PPM1H: variants seen among roughly 807,000 people sequenced by gnomAD.
PPM1H encodes protein phosphatase, Mg2+/Mn2+ dependent 1H.
In PPM1H, 27 loss-of-function variants were observed where a neutral mutation model predicts 54.9. The observed-to-expected ratio is 0.49, with a 90% CI of 0.36 to 0.68. The LOEUF (loss-of-function observed/expected upper bound fraction) is 0.68, where lower values mean the gene tolerates loss of function less well. Ranked by LOEUF, PPM1H falls within the 30% of genes least tolerant of loss-of-function variation. PPM1H has a pLI of 0.00. For missense variants in PPM1H, 596 were observed against 667.8 expected (o/e 0.89, Z 1.19); for synonymous variants, 305 against 270.8 (o/e 1.13, Z -1.24).
At chr12:62,689,888 C>T (rs2076073936) in intron 7 of PPM1H, 82 bp from the exon 8 acceptor site, 2 of 938,692 alleles carry the variant, frequency 2.1e-6, no homozygotes, top group African/African-American at 3.3e-5. Context: ...GGGCTAGGAA[C>T]AACCAAACAA....
intron 6 of PPM1H, among the ~76,000 whole-genome samples, chr12:62,697,195 C>A (rs1020977707): frequency 5.9e-5 from 9 of 151,378 alleles, no homozygotes; most frequent in African/African-American, 2.2e-4. Flanking sequence ...GGTGCGATCT[C>A]GGCTCACTGC....
At position 62,648,247 on chromosome 12, in the gene PPM1H, GAAAT is replaced by G. The variant is rs1383413385; in HGVS notation, c.*238_*241del. Reference sequence around the variant, plus strand: ...ACCTCGGAGGCCTATGAAAGGAACTGAAATACAACAACACTTGGTAGCAGCCTTT... The same window carrying G: ...ACCTCGGAGGCCTATGAAAGGAACTGACAACAACACTTGGTAGCAGCCTTT... On this transcript the variant is annotated 3_prime_UTR_variant, in exon 10 of 10. Transcript: ENST00000228705. 1 of 469,770 alleles carries G rather than the reference GAAAT, an allele frequency of 2.1e-6. No individual in the cohort carries two copies. The allele number at this position is 469,770 out of a possible 1,614,324, so 29.1% of individuals were successfully genotyped here.
intron 1 of PPM1H, among the ~76,000 whole-genome samples, chr12:62,928,220 G>C (rs939227661): frequency 3.3e-5 from 5 of 152,182 alleles, no homozygotes; most frequent in African/African-American, 9.7e-5. Context: ...TGGTATATGG[G>C]AGATGGGCCA....
At chr12:62,913,336 G>T (rs942237699) in intron 1 of PPM1H, among the ~76,000 whole-genome samples, 1 of 152,196 alleles carries the variant, frequency 6.6e-6, no homozygotes, top group African/African-American at 2.4e-5. Context: ...CGGTGAGGAT[G>T]TGGAAGATGC....
chr12:62,915,207 G>A (rs1184868536), intron 1 of PPM1H, among the ~76,000 whole-genome samples: 2 of 152,168 alleles, frequency 1.3e-5, no homozygotes, highest in Non-Finnish European at 2.9e-5. Flanking sequence ...CTCTTACTTG[G>A]ATGATTTTTA....
intron 4 of PPM1H, among the ~76,000 whole-genome samples, chr12:62,784,155 G>T (rs2120689548): frequency 6.6e-6 from 1 of 152,292 alleles, no homozygotes; most frequent in East Asian, 1.9e-4. Context: ...AGCAGTTACT[G>T]CATGTGCCTC....
At chr12:62,745,591 G>C (rs1364343314) in intron 4 of PPM1H, among the ~76,000 whole-genome samples, 1 of 152,184 alleles carries the variant, frequency 6.6e-6, no homozygotes, top group African/African-American at 2.4e-5. Context: ...CCACATCTCA[G>C]AGGCCATTAT....
intron 4 of PPM1H, among the ~76,000 whole-genome samples, chr12:62,740,815 C>T (rs370851448): frequency 6.6e-6 from 1 of 152,172 alleles, no homozygotes; most frequent in African/African-American, 2.4e-5. Context: ...AGCATTACAC[C>T]AAATGTGAAG....
At chr12:62,737,088 G>A (rs899116002) in intron 5 of PPM1H, among the ~76,000 whole-genome samples, 1 of 152,078 alleles carries the variant, frequency 6.6e-6, no homozygotes, top group African/African-American at 2.4e-5. Context: ...GAGCTGCCAC[G>A]TGGGCAGATT....
intron 4 of PPM1H, among the ~76,000 whole-genome samples, chr12:62,745,192 T>A (rs1311859742): frequency 1.3e-5 from 2 of 152,034 alleles, no homozygotes; most frequent in Non-Finnish European, 2.9e-5. Context: ...TAATTTTTCT[T>A]TTTAAAAAAT....
chr12:62,733,857 C>T (rs1302812128), intron 5 of PPM1H, among the ~76,000 whole-genome samples: 2 of 152,076 alleles, frequency 1.3e-5, no homozygotes, highest in Admixed American at 6.6e-5. Context: ...AAGGGCGACA[C>T]CAAATTATGC....
chr12:62,729,390 G>C (rs1012965532), intron 5 of PPM1H, among the ~76,000 whole-genome samples: 2 of 152,210 alleles, frequency 1.3e-5, no homozygotes, highest in African/African-American at 4.8e-5. Flanking sequence ...CAGGAGTGCA[G>C]ACATTGGCAC....
chr12:62,927,213 T>C (rs753596941), intron 1 of PPM1H, among the ~76,000 whole-genome samples: 19 of 152,196 alleles, frequency 1.2e-4, no homozygotes, highest in Non-Finnish European at 2.4e-4. Context: ...AAGCTTTCCA[T>C]GTCTAGAAAT....
intron 1 of PPM1H, among the ~76,000 whole-genome samples, chr12:62,857,363 G>T (rs1208365066): frequency 1.3e-5 from 2 of 152,164 alleles, no homozygotes; most frequent in Non-Finnish European, 2.9e-5. Context: ...TTGTCCTCCT[G>T]GTTTGGTTAG....
At chr12:62,817,058 T>G (rs938879779) in intron 2 of PPM1H, among the ~76,000 whole-genome samples, 12 of 131,422 alleles carry the variant, frequency 9.1e-5, no homozygotes, top group Admixed American at 4.5e-4. Flanking sequence ...TCTTAATCAC[T>G]GGCAAGAGTT....
At chr12:62,672,340 A>G (rs560105691) in intron 8 of PPM1H, among the ~76,000 whole-genome samples, 1 of 152,306 alleles carries the variant, frequency 6.6e-6, no homozygotes, top group East Asian at 1.9e-4. Flanking sequence ...GATCACAACA[A>G]AGGAGACAGG....
intron 1 of PPM1H, among the ~76,000 whole-genome samples, chr12:62,880,168 C>A (rs533999355): frequency 1.3e-5 from 2 of 152,312 alleles, no homozygotes; most frequent in African/African-American, 4.8e-5. Context: ...TATACACACA[C>A]ACATAAATAC....
intron 9 of PPM1H, among the ~76,000 whole-genome samples, chr12:62,661,323 T>A (rs2136605620): frequency 6.6e-6 from 1 of 152,270 alleles, no homozygotes; most frequent in Non-Finnish European, 1.5e-5. Context: ...AAATAATAGG[T>A]CCTTAGTGGT....
In PPM1H at chr12:62,802,125, CA is replaced by C; in HGVS notation, c.446del (p.Leu149ArgfsTer33). On this transcript the variant is annotated frameshift_variant, in exon 3 of 10. Transcript: ENST00000228705. LOFTEE classifies it high-confidence loss of function. ...SEGVSCHYWS[L>X]FDGHAGSGAA... The stretch of plus-strand genomic sequence containing the variant: ...CCCCGGACCCCGCGTGCCCGTCAAA[CA>C]GCGACCAATAGTGGCAGGAAACACC... 1.3e-6 allele frequency: 2 copies of C among 1,589,196 alleles called. No homozygotes were observed. The highest frequency in any genetic ancestry group is 1.7e-6 in the Non-Finnish European group (2 of 1,166,714).
Sources: gnomAD v4.1 joint callset for allele counts (sites outside exome capture counted in the v4.1 genomes callset) on GRCh38, gnomAD v4.1.1 for gene constraint, MANE v1.5 for transcripts, NCBI Gene and HGNC (gene_info 2026-07-23, HGNC 2026-07-21) for gene names.